The following TPO variants were observed in gnomAD, a reference collection of about 807,000 sequenced individuals.
TPO encodes the protein thyroid microsomal antigen.
In TPO, 78 loss-of-function variants were observed where a neutral mutation model predicts 96.9. The ratio of observed to expected loss-of-function variants is 0.81; its 90% CI spans 0.67 to 0.97. The LOEUF (loss-of-function observed/expected upper bound fraction) is 0.97, where lower values mean the gene tolerates loss of function less well. TPO is among the 50% of genes least tolerant of loss of function. TPO has a pLI of 0.00. For synonymous variants in TPO, 547 were observed against 538.0 expected, an observed-to-expected ratio of 1.02 and a Z score of -0.23; for missense variants, 1,252 against 1,274.8, an observed-to-expected ratio of 0.98 and a Z score of 0.27.
intron 15 of TPO, among the ~76,000 whole-genome samples, chr2:1,528,814 CAACCTCCCCAAATCCTCCTACTGT>C (rs1677266573): frequency 1.4e-5 from 1 of 73,380 alleles, no homozygotes; most frequent in Admixed American, 1.4e-4. Context: ...CCACTGTGAG[CAACCTCCCCAAATCCTCCTACTGT>C]GTGCAACCTC....
rs184087573 is a variant in TPO at position 1,414,515 on chromosome 2, C to T, written c.94+13C>T. On this transcript the variant is annotated intron_variant, in intron 2 of 16. Transcript: ENST00000329066. ...GAACTCCTTTGGGGTAAGTAGCAAA[C>T]ACATTGCGGTCTTCTGGCCTTATAA... 980 of 1,612,250 alleles carry T rather than the reference C, an allele frequency of 6.1e-4. 1 individual carries two copies. Among genetic ancestry groups the T allele is most frequent in the Non-Finnish European group, 7.8e-4 (920 of 1,178,648 alleles).
chr2:1,506,454 G>A lies in TPO; in HGVS notation c.2518+2375G>A, dbSNP rs553436503. Among the ~76,000 whole-genome samples, 362 of 152,250 alleles carry A rather than the reference G, an allele frequency of 2.4e-3. 1 individual carries two copies. Among genetic ancestry groups the A allele is most frequent in the Non-Finnish European group, 3.7e-3 (255 of 68,022 alleles). On this transcript the variant is annotated intron_variant, in intron 14 of 16. Coordinates refer to ENST00000329066, the MANE Select transcript of TPO (RefSeq NM_001206744.2). ...TCTAGTTCTAGATCCCTGAGGAATC[G>A]CCACACTGCCTTCCACAATGGTTGA...
At chr2:1,478,448 G>A (rs1670199426) in intron 8 of TPO, 2 of 967,816 alleles carry the variant, frequency 2.1e-6, no homozygotes, top group African/African-American at 3.5e-5. Context: ...CTGGAGCCTT[G>A]TCCGAGGAGG....
In TPO at chr2:1,516,462, T is replaced by C. The variant is rs570250087; in HGVS notation, c.2519-421T>C. ...CCAAGGGCAAAACCTCACAGCGTTA[T>C]ACCGCGTCCCTTACAGCCCACCTTG... On this transcript the variant is annotated intron_variant, in intron 14 of 16. Coordinates refer to ENST00000329066, the MANE Select transcript of TPO (RefSeq NM_001206744.2). 2.0e-5 allele frequency among the ~76,000 whole-genome samples: 3 copies of C among 152,308 alleles called. No individual in the cohort carries two copies. The South Asian group carries it at 6.2e-4, about 32-fold the overall frequency.
chr2:1,390,495 T>C (rs534380403), intron 1 of TPO, among the ~76,000 whole-genome samples: 2 of 152,346 alleles, frequency 1.3e-5, no homozygotes, highest in South Asian at 4.1e-4. Context: ...GACATACGTG[T>C]GCATGTGTCT....
At position 1,442,074 on chromosome 2, in the gene TPO, C is replaced by T. The variant is rs181566890; in HGVS notation, c.482+5690C>T. Reference sequence around the variant, plus strand: ...CTGCACAAGCTCTCTTTCTGCCTGCCGCCATCCATGTAAGACATGACCTGC... The same window carrying T: ...CTGCACAAGCTCTCTTTCTGCCTGCTGCCATCCATGTAAGACATGACCTGC... On this transcript the variant is annotated intron_variant, in intron 5 of 16. Transcript: ENST00000329066. 1.0e-3 allele frequency among the ~76,000 whole-genome samples: 153 copies of T among 152,296 alleles called. 1 individual carries two copies. The highest frequency in any genetic ancestry group is 3.3e-3 in the African/African-American group (136 of 41,556).
At chr2:1,482,927 C>A (rs890244396) in intron 8 of TPO, among the ~76,000 whole-genome samples, 50 of 152,204 alleles carry the variant, frequency 3.3e-4, no homozygotes, top group Admixed American at 4.6e-4. Context: ...GCAATCCTCC[C>A]ACTTTGGCCT....
At chr2:1,477,900 T>C (rs1184312286) in intron 8 of TPO, 1 of 985,124 alleles carries the variant, frequency 1.0e-6, no homozygotes, top group Non-Finnish European at 1.2e-6. Context: ...AGCCGGCTGG[T>C]GATTATCCCA....
chr2:1,469,136 C>T (rs185487601), intron 7 of TPO, among the ~76,000 whole-genome samples: 4 of 152,294 alleles, frequency 2.6e-5, no homozygotes, highest in African/African-American at 7.2e-5. Context: ...GATTTCCTTA[C>T]ATTGGGCTTT....
At chr2:1,519,032 A>AG in intron 15 of TPO, among the ~76,000 whole-genome samples, 1 of 152,290 alleles carries the variant, frequency 6.6e-6, no homozygotes, top group African/African-American at 2.4e-5. Context: ...GGCCATCTTG[A>AG]CGGGAAGGCA....
At chr2:1,401,140 C>T (rs1001967023) in intron 1 of TPO, among the ~76,000 whole-genome samples, 42 of 152,204 alleles carry the variant, frequency 2.8e-4, no homozygotes, top group African/African-American at 9.6e-4. Context: ...TCTGTGCCTG[C>T]AGGTTGGCCT....
chr2:1,542,143 G>C, intron 16 of TPO: 2 of 563,524 alleles, frequency 3.5e-6, no homozygotes, highest in Non-Finnish European at 6.3e-6. Flanking sequence ...TGCTCAGCAC[G>C]GCTTCTTCCT....
chr2:1,520,384 A>G (rs1255226941), intron 15 of TPO, among the ~76,000 whole-genome samples: 1 of 152,216 alleles, frequency 6.6e-6, no homozygotes, highest in Non-Finnish European at 1.5e-5. Flanking sequence ...GATAGGAAGA[A>G]AGAGAGACAG....
At chr2:1,535,620 ACCT>A (rs1679453101) in intron 15 of TPO, among the ~76,000 whole-genome samples, 1 of 10,322 alleles carries the variant, frequency 9.7e-5, no homozygotes, top group African/African-American at 3.4e-4. Context: ...GCAGTGTACA[ACCT>A]CCTCAAATCC....
At chr2:1,482,747 T>C (rs376196274) in intron 8 of TPO, among the ~76,000 whole-genome samples, 4 of 152,336 alleles carry the variant, frequency 2.6e-5, no homozygotes, top group South Asian at 2.1e-4. Context: ...CAATCATAGC[T>C]CACTGCAGCC....
intron 7 of TPO, among the ~76,000 whole-genome samples, chr2:1,472,085 T>C (rs951598904): frequency 6.6e-6 from 1 of 151,950 alleles, no homozygotes; most frequent in Non-Finnish European, 1.5e-5. Context: ...TATCATGCCC[T>C]TCCCATGATG....
chr2:1,397,017 G>T (rs111747884), intron 1 of TPO, among the ~76,000 whole-genome samples: 2 of 151,992 alleles, frequency 1.3e-5, no homozygotes, highest in Non-Finnish European at 2.9e-5. Context: ...CTTGCTATCC[G>T]TTCCAGACCC....
intron 1 of TPO, among the ~76,000 whole-genome samples, chr2:1,390,193 G>A (rs984204497): frequency 2.0e-5 from 3 of 151,634 alleles, no homozygotes; most frequent in East Asian, 1.9e-4. Flanking sequence ...GACAGGCCCC[G>A]GTGTGCAATG....
intron 2 of TPO, among the ~76,000 whole-genome samples, chr2:1,420,052 G>A (rs917418949): frequency 5.9e-5 from 9 of 152,164 alleles, no homozygotes; most frequent in African/African-American, 2.2e-4. Flanking sequence ...AGAGTTATGT[G>A]TCTCTGGGAG....
Sources: allele counts gnomAD v4.1 joint callset (sites outside exome capture counted in the v4.1 genomes callset), GRCh38; gene constraint gnomAD v4.1.1; transcripts MANE v1.5; gene names NCBI Gene and HGNC (gene_info 2026-07-23, HGNC 2026-07-21).